PPFIA3: variants seen among roughly 807,000 people sequenced by gnomAD.
PPFIA3 encodes liprin-alpha-3.
PPFIA3 carries 26 observed loss-of-function variants against 145.8 expected under a neutral mutation model. The observed-to-expected ratio is 0.18, with a 90% CI of 0.13 to 0.25. The LOEUF is 0.25. Among genes scored for constraint, PPFIA3 ranks in the 10% least tolerant of loss-of-function variants. The pLI is 1.00. For synonymous variants in PPFIA3, 645 were observed against 661.4 expected, an observed-to-expected ratio of 0.98 and a Z score of 0.38; for missense variants, 1,008 against 1,587.8, an observed-to-expected ratio of 0.63 and a Z score of 6.21.
intron 1 of PPFIA3, among the ~76,000 whole-genome samples, chr19:49,127,115 G>T (rs2041008438): frequency 6.6e-6 from 1 of 150,882 alleles, no homozygotes; most frequent in East Asian, 1.9e-4. Flanking sequence ...CAGGCGCGGT[G>T]GCTCACGTCT....
At position 49,149,209 on chromosome 19, in the gene PPFIA3, C is replaced by T; in HGVS notation, c.3285+41C>T. On this transcript the variant is annotated intron_variant, in intron 26 of 29. Transcript: ENST00000334186. The surrounding 1 kb of genome is among the most constrained non-coding windows in gnomAD (Gnocchi z 5.7). ...GCCCGGAGCATGCTGGGCGTCCCCACCTCGCAGACTGCACGCTCCAACCGC... is the reference window on the plus strand; with the variant it reads ...GCCCGGAGCATGCTGGGCGTCCCCATCTCGCAGACTGCACGCTCCAACCGC... The T allele has an allele frequency of 1.9e-6, 3 of 1,613,992 alleles. No individual in the cohort carries two copies. Among genetic ancestry groups the T allele is most frequent in the Non-Finnish European group, 2.5e-6 (3 of 1,179,936 alleles).
chr19:49,148,639 C>T (rs184787693), intron 24 of PPFIA3, 27 bp from the exon 25 acceptor site: 3 of 1,570,240 alleles, frequency 1.9e-6, no homozygotes, highest in African/African-American at 1.3e-5. Flanking sequence ...AAAGCTCATC[C>T]GTGACTCCAC....
chr19:49,132,362 C>G (rs908912826), intron 7 of PPFIA3, among the ~76,000 whole-genome samples: 5 of 129,498 alleles, frequency 3.9e-5, no homozygotes, highest in Non-Finnish European at 7.7e-5. Context: ...GCACTCTAGC[C>G]TGGGTGACGG....
Position 49,148,889 on chromosome 19 carries a change from T to TG in PPFIA3, c.3110-98dup, listed in dbSNP as rs1355276179. 13 of 1,555,678 alleles carry TG rather than the reference T, an allele frequency of 8.4e-6. No individual in the cohort carries two copies. The Admixed American group carries it at 1.4e-4, about 17-fold the overall frequency. On this transcript the variant is annotated intron_variant, in intron 25 of 29. Coordinates refer to ENST00000334186, the MANE Select transcript of PPFIA3 (RefSeq NM_003660.4). ...CATAACCGTGGGGGTGGAGCCAGCG[T>TG]GGGGGGCGTGGCCCGAAGAGACCAA...
rs1318399539 is a variant in PPFIA3 at position 49,131,341 on chromosome 19, T to C, written c.879+742T>C. On this transcript the variant is annotated intron_variant, in intron 7 of 29. Coordinates refer to ENST00000334186, the MANE Select transcript of PPFIA3 (RefSeq NM_003660.4). ...GCACCACCACACCTGGCTAATTTTT[T>C]TTTTTTTTTTTTTTTGTATCTTCAG... Among the ~76,000 whole-genome samples the C allele has an allele frequency of 8.7e-3, 1,272 of 145,566 alleles. 8 individuals carry two copies. Among genetic ancestry groups the C allele is most frequent in the Middle Eastern group, 0.014 (4 of 292 alleles).
rs1445588500 is a variant in PPFIA3 at position 49,141,294 on chromosome 19, G to A, written c.2369-126G>A. 5 of 650,372 alleles carry A rather than the reference G, an allele frequency of 7.7e-6. No homozygotes were observed. The Admixed American group carries it at 8.5e-5, about 11-fold the overall frequency. 40.3% of individuals were successfully genotyped at this position (650,372 alleles called of 1,614,324 possible). On this transcript the variant is annotated intron_variant, in intron 18 of 29. Coordinates refer to ENST00000334186, the MANE Select transcript of PPFIA3 (RefSeq NM_003660.4). ...GCTTGTCTGCCTTTATCACTTCCTC[G>A]ATGTGCCCTCACTCACTACTCCCTC... is the stretch of plus-strand genomic sequence containing the variant.
At chr19:49,148,325 T>G in intron 24 of PPFIA3, 67 bp downstream of exon 24, 1 of 1,517,046 alleles carries the variant, frequency 6.6e-7, no homozygotes, top group Non-Finnish European at 8.9e-7. Flanking sequence ...CTTTGGCCAA[T>G]AGGATTGGCC....
chr19:49,142,804 C>T lies in PPFIA3; in HGVS notation c.2545C>T (p.Leu849=). The T allele has an allele frequency of 1.2e-6, 2 of 1,613,158 alleles. No individual in the cohort carries two copies. Among genetic ancestry groups the T allele is most frequent in the Non-Finnish European group, 1.7e-6 (2 of 1,179,722 alleles). The change falls in exon 21 of 30, where the codon CTG becomes TTG. Residue 849 remains leucine (L), a splice_region_variant and synonymous_variant. Coordinates refer to ENST00000334186, the MANE Select transcript of PPFIA3 (RefSeq NM_003660.4). ...DGPTVVSWLE[L]WVGMPAWYVA... is the part of the protein sequence containing the mutation. Reference sequence around the variant, plus strand: ...CTGTCCCTCTGTCCCTCCGCTGCAGCTGTGGGTGGGCATGCCTGCCTGGTA... The same window carrying T: ...CTGTCCCTCTGTCCCTCCGCTGCAGTTGTGGGTGGGCATGCCTGCCTGGTA...
chr19:49,129,377 C>T lies in PPFIA3; in HGVS notation c.508-3C>T, dbSNP rs763379033. On this transcript the variant is annotated splice_region_variant and splice_polypyrimidine_tract_variant and intron_variant, in intron 4 of 29. Transcript: ENST00000334186. ...CTGACTGTTGCCCTGCCCCGATCCCCAGGTCCGGGAGCGGCTGCGGATGGC... is the reference window on the plus strand; with the variant it reads ...CTGACTGTTGCCCTGCCCCGATCCCTAGGTCCGGGAGCGGCTGCGGATGGC... 6.5e-7 allele frequency: 1 copy of T among 1,549,948 alleles called. No individual in the cohort carries two copies. Among genetic ancestry groups the T allele is most frequent in the South Asian group, 1.2e-5 (1 of 83,996 alleles).
intron 1 of PPFIA3, among the ~76,000 whole-genome samples, chr19:49,124,632 C>T (rs1434470534): frequency 6.6e-6 from 1 of 152,188 alleles, no homozygotes; most frequent in East Asian, 1.9e-4. Context: ...ATTCCCCACC[C>T]TGTACTGTGT....
chr19:49,147,413 C>T (rs187514571), intron 23 of PPFIA3, among the ~76,000 whole-genome samples: 4 of 152,148 alleles, frequency 2.6e-5, no homozygotes, highest in Admixed American at 6.5e-5. Context: ...CAGCCAGGCG[C>T]GGTGGCTCAT....
chr19:49,119,916 C>T (rs1448653480), intron 1 of PPFIA3, among the ~76,000 whole-genome samples, 194 bp downstream of exon 1: 1 of 151,856 alleles, frequency 6.6e-6, no homozygotes, highest in Non-Finnish European at 1.5e-5. Context: ...CCTAGAATCC[C>T]GGGCGCACCG....
At position 49,122,714 on chromosome 19, in the gene PPFIA3, GTTTT is replaced by G. The variant is rs200075853; in HGVS notation, c.-16+3009_-16+3012del. 1.6e-3 allele frequency among the ~76,000 whole-genome samples: 189 copies of G among 114,840 alleles called. 3 individuals carry two copies. Among genetic ancestry groups the G allele is most frequent in the African/African-American group, 5.2e-3 (165 of 31,570 alleles). 75.3% of individuals were successfully genotyped at this position (114,840 alleles called of 152,430 possible). ...TTTTTGTTGTTGTTGTTGTTTAGTTGTTTTTTTTTTTTTTTTTTTTGGCGGGGGA... is the reference window on the plus strand; with the variant it reads ...TTTTTGTTGTTGTTGTTGTTTAGTTGTTTTTTTTTTTTTTTTGGCGGGGGA... On this transcript the variant is annotated intron_variant, in intron 1 of 29. Transcript: ENST00000334186.
rs756387955 is a variant in PPFIA3, at chr19:49,149,150, C to A, written c.3267C>A (p.Ile1089=). ...CCGACCTGGCCTTGCTCCTGCAGAT[C>A]CCCACGCAGAATGCACAGGTGAGCT... The part of the protein sequence containing the change: ...DYSDLALLLQ[I]PTQNAQARQL... The change falls in exon 26 of 30, where the codon ATC becomes ATA. Residue 1089 remains isoleucine, a synonymous_variant. Transcript: ENST00000334186. The surrounding 1 kb of genome is among the most constrained non-coding windows in gnomAD (Gnocchi z 5.7). 6.2e-7 allele frequency: 1 copy of A among 1,614,038 alleles called. No homozygotes were observed. Among genetic ancestry groups the A allele is most frequent in the Non-Finnish European group, 8.5e-7 (1 of 1,179,956 alleles).
chr19:49,143,720 A>T (rs1309519069), intron 21 of PPFIA3, among the ~76,000 whole-genome samples: 1 of 152,082 alleles, frequency 6.6e-6, no homozygotes. Context: ...ACAGAAAATC[A>T]TGTGTACCCA....
intron 18 of PPFIA3, 56 bp from the exon 19 acceptor site, chr19:49,141,364 A>G: frequency 1.4e-6 from 2 of 1,389,924 alleles, no homozygotes; most frequent in South Asian, 1.2e-5. Context: ...CTCCAGCATG[A>G]AAGATTCTGC....
chr19:49,122,797 C>T (rs1246809812), intron 1 of PPFIA3, among the ~76,000 whole-genome samples: 5 of 148,902 alleles, frequency 3.4e-5, no homozygotes, highest in Non-Finnish European at 5.9e-5. Context: ...TCTCAGCTCA[C>T]TGCAAGCTCC....
chr19:49,137,680 C>T (rs1206782040), intron 15 of PPFIA3, among the ~76,000 whole-genome samples: 3 of 144,646 alleles, frequency 2.1e-5, no homozygotes, highest in African/African-American at 5.1e-5. Context: ...ATTAAGAAGC[C>T]CCCAGTGATG....
At chr19:49,135,488 T>C (rs1816921346) in intron 13 of PPFIA3, among the ~76,000 whole-genome samples, 1 of 152,228 alleles carries the variant, frequency 6.6e-6, no homozygotes, top group South Asian at 2.1e-4. Context: ...TTCTCCTGCC[T>C]CAGCCTCTAG....
Sources: allele counts gnomAD v4.1 joint callset (sites outside exome capture counted in the v4.1 genomes callset), GRCh38; gene constraint gnomAD v4.1.1; non-coding constraint Gnocchi (gnomAD v3.1); transcripts MANE v1.5; gene names NCBI Gene and HGNC (gene_info 2026-07-23, HGNC 2026-07-21).